Variants in NOMO1 observed in about 807,000 individuals in gnomAD.
NOMO1 encodes the protein NODAL modulator 1, also known as nodal modulator 3.
NOMO1 carries 40 observed loss-of-function variants against 133.8 expected under a neutral mutation model. The ratio of observed to expected loss-of-function variants is 0.30; its 90% CI spans 0.23 to 0.39. The LOEUF is 0.39. NOMO1 is among the 10% of genes least tolerant of loss of function. The pLI is 1.00. For missense variants in NOMO1, 462 were observed against 1,419.9 expected (o/e 0.33, Z 10.84); for synonymous variants, 236 against 570.5 (o/e 0.41, Z 8.36).
intron 24 of NOMO1, among the ~76,000 whole-genome samples, chr16:14,881,240 G>A (rs1020624227): frequency 6.6e-6 from 1 of 152,004 alleles, no homozygotes; most frequent in Non-Finnish European, 1.5e-5. Context: ...TTATTTCCAT[G>A]TTATTGAAAG....
chr16:14,859,522 C>A (rs2151897330), intron 11 of NOMO1, among the ~76,000 whole-genome samples: 1 of 152,020 alleles, frequency 6.6e-6, no homozygotes, highest in South Asian at 2.1e-4. Flanking sequence ...AAGACAAATA[C>A]ATCTGTGGCC....
chr16:14,853,124 T>G (rs1963784260), intron 7 of NOMO1: 1 of 227,682 alleles, frequency 4.4e-6, no homozygotes, highest in East Asian at 1.1e-4. Flanking sequence ...AGACCTGGGT[T>G]TAAACAAATC....
At position 14,846,634 on chromosome 16, in the gene NOMO1, A is replaced by G. The variant is rs766492307; in HGVS notation, c.460A>G (p.Thr154Ala). 13 of 1,360,224 alleles carry G rather than the reference A, an allele frequency of 9.6e-6. No homozygotes were observed. The highest frequency in any genetic ancestry group is 2.4e-5 in the East Asian group (1 of 41,840). 84.3% of individuals were successfully genotyped at this position (1,360,224 alleles called of 1,614,324 possible). A position where few individuals can be genotyped will look rare whatever the true frequency, so the allele number is the denominator to read the frequency against. The change falls in exon 5 of 31, where the codon ACT becomes GCT. Residue 154 changes from threonine (T) to alanine (A), a missense_variant. Transcript: ENST00000287667. Reference protein sequence around the residue: ...PAGVQVSLRNTGTEAKIQSTV... With the variant: ...PAGVQVSLRNAGTEAKIQSTV... Reference sequence around the variant, plus strand: ...GGGAGTTCAGGTGTCTCTGAGAAACACTGGGACCGAAGCAAAGATCCAGTC... The same window carrying G: ...GGGAGTTCAGGTGTCTCTGAGAAACGCTGGGACCGAAGCAAAGATCCAGTC...
intron 12 of NOMO1, 121 bp from the exon 13 acceptor site, chr16:14,864,464 C>G: frequency 1.3e-6 from 2 of 1,527,632 alleles, no homozygotes; most frequent in Non-Finnish European, 1.8e-6. Flanking sequence ...GGCCTGGAAA[C>G]GAACCTTTGG....
Position 14,857,440 on chromosome 16 carries a change from G to A in NOMO1, c.1070-65G>A, listed in dbSNP as rs1013062172. 8.8e-6 allele frequency: 14 copies of A among 1,592,204 alleles called. 1 individual carries two copies. In the African/African-American group the frequency reaches 1.6e-4, roughly 19 times the overall value. On this transcript the variant is annotated intron_variant, in intron 10 of 30. Coordinates refer to ENST00000287667, the MANE Select transcript of NOMO1 (RefSeq NM_014287.4). ...GGCAGCTTTTGGTCCAAGTATTCTGGTGTACATGTAAGGATACACTGTTGT... is the reference window on the plus strand; with the variant it reads ...GGCAGCTTTTGGTCCAAGTATTCTGATGTACATGTAAGGATACACTGTTGT...
At chr16:14,842,718 C>G (rs3021045) in intron 3 of NOMO1, among the ~76,000 whole-genome samples, 340 of 150,942 alleles carry the variant, frequency 2.3e-3, no homozygotes, top group African/African-American at 6.2e-3. Flanking sequence ...CCACCACCCT[C>G]ACCTTCTACA....
At chr16:14,866,845 G>C (rs1289317385) in intron 15 of NOMO1, among the ~76,000 whole-genome samples, 154 bp downstream of exon 15, 1 of 149,972 alleles carries the variant, frequency 6.7e-6, no homozygotes, top group Admixed American at 6.6e-5. Flanking sequence ...GCATAATCAG[G>C]AAGCATTTAT....
chr16:14,843,508 A>G (rs1393179857), intron 3 of NOMO1, among the ~76,000 whole-genome samples: 1 of 151,888 alleles, frequency 6.6e-6, no homozygotes, highest in Admixed American at 6.6e-5. Context: ...TCCACATCCT[A>G]ACCTACACTT....
At chr16:14,839,748 TC>T in intron 2 of NOMO1, among the ~76,000 whole-genome samples, 1 of 151,894 alleles carries the variant, frequency 6.6e-6, no homozygotes, top group Non-Finnish European at 1.5e-5. Flanking sequence ...GACTTTTTTT[TC>T]TTTTTTTTTT....
At chr16:14,866,780 G>A (rs1468008734) in intron 15 of NOMO1, 89 bp downstream of exon 15, 6 of 1,608,114 alleles carry the variant, frequency 3.7e-6, no homozygotes, top group South Asian at 2.2e-5. Context: ...TATTGTAAAC[G>A]TAGGCAAGTT....
At chr16:14,894,569 G>T (rs1010039779) in intron 29 of NOMO1, among the ~76,000 whole-genome samples, 2 of 149,778 alleles carry the variant, frequency 1.3e-5, no homozygotes, top group African/African-American at 4.9e-5. Flanking sequence ...CCATCACTGT[G>T]TGCCCTGGGT....
chr16:14,878,274 G>A (rs932133925), intron 22 of NOMO1, among the ~76,000 whole-genome samples: 1 of 131,666 alleles, frequency 7.6e-6, no homozygotes, highest in Non-Finnish European at 1.6e-5. Context: ...CATGTGGATT[G>A]CTTGAGCCCA....
chr16:14,878,493 CAAAA>C (rs1184163940), intron 22 of NOMO1, among the ~76,000 whole-genome samples: 2,933 of 35,770 alleles, frequency 0.082, no homozygotes, highest in African/African-American at 0.17. Context: ...GACCCTGTCT[CAAAA>C]AAAAAAAAAA....
rs536771392 is a variant in NOMO1, at chr16:14,866,649, G to C, written c.1764G>C (p.Thr588=). 6 of 1,609,928 alleles carry C rather than the reference G, an allele frequency of 3.7e-6. No individual in the cohort carries two copies. The highest frequency in any genetic ancestry group is 2.7e-5 in the African/African-American group (2 of 73,574). ...DDMSAVEFRQ[T]GYMLRCSLSH... is the part of the protein sequence containing the mutation. The stretch of plus-strand genomic sequence containing the variant: ...TGTCTGCAGTTGAGTTCAGGCAGAC[G>C]GGCTACATGCTGAGATGTTCCCTGT... Residue 588 remains threonine (T), a synonymous_variant, in exon 15 of 31, where the codon ACG becomes ACC. Coordinates refer to ENST00000287667, the MANE Select transcript of NOMO1 (RefSeq NM_014287.4).
In NOMO1 at chr16:14,875,195, G is replaced by A. The variant is rs1964138052; in HGVS notation, c.2214G>A (p.Val738=). The part of the protein sequence containing the change: ...EGEERMTKPP[V]QEMVDELQGP... ...AAGAAAGAATGACCAAGCCTCCCGT[G>A]CAGGAGATGGTAGATGAGTTACAAG... is the stretch of plus-strand genomic sequence containing the variant. Residue 738 remains valine (V), a synonymous_variant, in exon 19 of 31, where the codon GTG becomes GTA. Transcript: ENST00000287667. 2 of 1,613,626 alleles carry A rather than the reference G, an allele frequency of 1.2e-6. No homozygotes were observed. Among genetic ancestry groups the A allele is most frequent in the Admixed American group, 1.7e-5 (1 of 59,988 alleles).
chr16:14,851,038 T>C (rs2151894932), intron 6 of NOMO1, among the ~76,000 whole-genome samples: 1 of 144,386 alleles, frequency 6.9e-6, no homozygotes, highest in East Asian at 2.0e-4. Flanking sequence ...GAGCCAAGAT[T>C]GCACCACTGC....
chr16:14,893,268 C>G (rs920429633), intron 29 of NOMO1, among the ~76,000 whole-genome samples: 4 of 151,794 alleles, frequency 2.6e-5, no homozygotes, highest in African/African-American at 9.7e-5. Flanking sequence ...CGATCTTGGC[C>G]CACTGCAACC....
At chr16:14,855,442 G>A (rs1191196104) in intron 9 of NOMO1, among the ~76,000 whole-genome samples, 1 of 151,714 alleles carries the variant, frequency 6.6e-6, no homozygotes, top group Admixed American at 6.6e-5. Context: ...TAGAGTTATC[G>A]AAGCAATTAT....
At chr16:14,866,260 A>G (rs1370656140) in intron 14 of NOMO1, among the ~76,000 whole-genome samples, 2 of 149,426 alleles carry the variant, frequency 1.3e-5, no homozygotes, top group Non-Finnish European at 3.0e-5. Flanking sequence ...GGGTTTTGCT[A>G]TGTTGGTCAG....
Sources: allele counts gnomAD v4.1 joint callset (sites outside exome capture counted in the v4.1 genomes callset), GRCh38; gene constraint gnomAD v4.1.1; transcripts MANE v1.5; gene names NCBI Gene and HGNC (gene_info 2026-07-23, HGNC 2026-07-21).